PDE1A: variants seen among roughly 807,000 people sequenced by gnomAD.
PDE1A encodes phosphodiesterase 1A, also known as dual specificity calcium/calmodulin-dependent 3',5'-cyclic nucleotide phosphodiesterase 1A.
A neutral mutation model predicts 61.7 loss-of-function variants in PDE1A; 35 were observed. The ratio of observed to expected loss-of-function variants is 0.57; its 90% CI spans 0.43 to 0.75. The LOEUF is 0.75. Ranked by LOEUF, PDE1A falls within the 30% of genes least tolerant of loss-of-function variation. PDE1A has a pLI of 0.00. For missense variants in PDE1A, 597 were observed against 630.6 expected, an observed-to-expected ratio of 0.95 and a Z score of 0.57; for synonymous variants, 232 against 213.2, an observed-to-expected ratio of 1.09 and a Z score of -0.77.
chr2:182,151,106 A>G (rs186014769), intron 13 of PDE1A, among the ~76,000 whole-genome samples: 1 of 152,216 alleles, frequency 6.6e-6, no homozygotes, highest in East Asian at 1.9e-4. Flanking sequence ...TTATTTTTTG[A>G]GACAAAGTTT....
chr2:182,568,736 G>A, the PDE1A span, among the ~76,000 whole-genome samples: 1 of 152,132 alleles, frequency 6.6e-6, no homozygotes, highest in South Asian at 2.1e-4. Context: ...AATATGCTTA[G>A]TTGGTATACA....
the PDE1A span, among the ~76,000 whole-genome samples, chr2:182,538,897 T>A: frequency 2.0e-5 from 3 of 152,208 alleles, no homozygotes; most frequent in Non-Finnish European, 4.4e-5. Flanking sequence ...TGACCCAACA[T>A]TCATGTCTCT....
chr2:182,410,831 C>T (rs1702568451), intron 1 of PDE1A, among the ~76,000 whole-genome samples: 1 of 152,146 alleles, frequency 6.6e-6, no homozygotes, highest in Non-Finnish European at 1.5e-5. Context: ...CATCCATTCC[C>T]TTTGTGCCTA....
intron 1 of PDE1A, among the ~76,000 whole-genome samples, chr2:182,320,192 G>A (rs1239065522): frequency 6.6e-6 from 1 of 152,134 alleles, no homozygotes; most frequent in Non-Finnish European, 1.5e-5. Flanking sequence ...GACAACATAA[G>A]CTCAATATAG....
chr2:182,466,895 GAC>G (rs2125789217), intron 2 of PDE1A, among the ~76,000 whole-genome samples: 2 of 152,086 alleles, frequency 1.3e-5, no homozygotes, highest in East Asian at 3.9e-4. Context: ...ACAGGGCATG[GAC>G]ACAGTTTAGC....
the PDE1A span, among the ~76,000 whole-genome samples, chr2:182,664,167 TTAA>T: frequency 6.6e-6 from 1 of 152,164 alleles, no homozygotes. Flanking sequence ...TAAAAATCAA[TTAA>T]TAGTAAACCA....
intron 2 of PDE1A, among the ~76,000 whole-genome samples, chr2:182,494,586 T>C (rs1175699593): frequency 1.7e-5 from 1 of 59,238 alleles, no homozygotes; most frequent in Non-Finnish European, 3.8e-5. Context: ...CACCCCTGGA[T>C]GAATCCACCT....
At chr2:182,167,884 G>C, downstream of PDE1A, 1 of 1,048,266 alleles carries the variant, frequency 9.5e-7, no homozygotes, top group Non-Finnish European at 1.1e-6. Context: ...GACAATCTAA[G>C]GTGAAAACAG....
At chr2:182,681,148 G>C in the PDE1A span, among the ~76,000 whole-genome samples, 1 of 148,148 alleles carries the variant, frequency 6.8e-6, no homozygotes, top group Non-Finnish European at 1.5e-5. Context: ...ACTGGGGCCT[G>C]TTTTTTTTGT....
At chr2:182,276,449 C>T in intron 1 of PDE1A, among the ~76,000 whole-genome samples, 1 of 152,100 alleles carries the variant, frequency 6.6e-6, no homozygotes, top group East Asian at 1.9e-4. Context: ...ATTTCATGGA[C>T]ATTTATCAGT....
intron 1 of PDE1A, among the ~76,000 whole-genome samples, chr2:182,374,878 G>T (rs1370720098): frequency 6.6e-6 from 1 of 152,208 alleles, no homozygotes. Context: ...CATATGGCTG[G>T]GGAAGCCTCA....
At chr2:182,679,223 G>A in the PDE1A span, among the ~76,000 whole-genome samples, 7 of 148,794 alleles carry the variant, frequency 4.7e-5, no homozygotes, top group South Asian at 2.1e-4. Context: ...TTACTCAGTC[G>A]CCCAGGCTGG....
the PDE1A span, among the ~76,000 whole-genome samples, chr2:182,673,346 A>C: frequency 1.3e-5 from 2 of 152,170 alleles, no homozygotes; most frequent in African/African-American, 4.8e-5. Context: ...AAAAGGTATA[A>C]GTGTTGAAAG....
intron 1 of PDE1A, among the ~76,000 whole-genome samples, chr2:182,379,266 C>A (rs1178707796): frequency 6.6e-6 from 1 of 152,128 alleles, no homozygotes; most frequent in Admixed American, 6.5e-5. Flanking sequence ...TTTAGCAAAG[C>A]AATCACAAAA....
exon 6 of PDE1A, chr2:182,230,009 G>A (rs781613732): frequency 6.2e-7 from 1 of 1,609,862 alleles, no homozygotes; most frequent in Non-Finnish European, 8.5e-7. Flanking sequence ...GTCTTACCAT[G>A]ATACCTGTAT....
intron 1 of PDE1A, among the ~76,000 whole-genome samples, chr2:182,326,191 G>T (rs939634733): frequency 3.9e-5 from 6 of 152,078 alleles, no homozygotes; most frequent in African/African-American, 1.4e-4. Flanking sequence ...TGCATTACTG[G>T]TGAGAATATA....
At chr2:182,240,249 C>T (rs771208488) in exon 3 of PDE1A, 2 of 1,612,492 alleles carry the variant, frequency 1.2e-6, no homozygotes, top group Admixed American at 1.7e-5. Flanking sequence ...GGGACTGAGT[C>T]AGTCTGAATG....
intron 6 of PDE1A, among the ~76,000 whole-genome samples, chr2:182,227,548 T>C (rs1689237121): frequency 6.6e-6 from 1 of 152,094 alleles, no homozygotes; most frequent in Non-Finnish European, 1.5e-5. Context: ...AATTGGCATA[T>C]TACAATTAAT....
the PDE1A span, among the ~76,000 whole-genome samples, chr2:182,631,320 T>C: frequency 6.6e-6 from 1 of 152,016 alleles, no homozygotes; most frequent in Non-Finnish European, 1.5e-5. Flanking sequence ...TCATTTATTA[T>C]TATTATACTT....
Sources: gnomAD v4.1 joint callset for allele counts (sites outside exome capture counted in the v4.1 genomes callset) on GRCh38, gnomAD v4.1.1 for gene constraint, MANE v1.5 for transcripts, NCBI Gene and HGNC (gene_info 2026-07-23, HGNC 2026-07-21) for gene names.